Variants in DICER1 observed in about 807,000 individuals in gnomAD.
DICER1 encodes the protein dicer 1, ribonuclease III, also known as endoribonuclease Dicer.
Under a neutral mutation model 194.1 loss-of-function variants are expected in DICER1, and 43 were observed. The ratio of observed to expected loss-of-function variants is 0.22; its 90% confidence interval spans 0.17 to 0.29. The LOEUF (loss-of-function observed/expected upper bound fraction) is 0.29, where lower values mean the gene tolerates loss of function less well. Ranked by LOEUF, DICER1 falls within the 10% of genes least tolerant of loss-of-function variation. The probability of loss-of-function intolerance (pLI) is 1.00; values close to 1 mark genes in which losing one functional copy is unlikely to be tolerated. For missense variants in DICER1, 1,608 were observed against 2,317.0 expected, an observed-to-expected ratio of 0.69 and a Z score of 6.28; for synonymous variants, 832 against 820.5, an observed-to-expected ratio of 1.01 and a Z score of -0.24.
chr14:95,109,407 C>T (rs1409228237), intron 14 of DICER1, among the ~76,000 whole-genome samples: 1 of 152,134 alleles, frequency 6.6e-6, no homozygotes, highest in Admixed American at 6.6e-5. Flanking sequence ...CTATGCTTTT[C>T]TTTTTTTGTA....
At chr14:95,117,870 A>AAAGGACCAAG in intron 8 of DICER1, 116 bp from the exon 9 acceptor site, 1 of 950,694 alleles carries the variant, frequency 1.1e-6, no homozygotes, top group Non-Finnish European at 1.6e-6. Context: ...TACCTAACAA[A>AAAGGACCAAG]ACGGTCTTGG....
At chr14:95,138,994 T>TAAA (rs67050539) in intron 1 of DICER1, among the ~76,000 whole-genome samples, 5 of 135,956 alleles carry the variant, frequency 3.7e-5, no homozygotes, top group Non-Finnish European at 4.8e-5. Flanking sequence ...AATAAAAAAA[T>TAAA]AAAAAAAAAA....
chr14:95,133,023 T>G (rs1894087307), intron 2 of DICER1, among the ~76,000 whole-genome samples: 1 of 152,168 alleles, frequency 6.6e-6, no homozygotes, highest in Non-Finnish European at 1.5e-5. Flanking sequence ...CAAACTAATC[T>G]AGGTTCCTAC....
chr14:95,090,913 C>T, intron 26 of DICER1, 121 bp downstream of exon 26: 1 of 1,064,704 alleles, frequency 9.4e-7, no homozygotes, highest in Non-Finnish European at 1.4e-6. Context: ...AAACAGAAAT[C>T]TGACAACAGC....
At chr14:95,118,001 C>G (rs575326987) in intron 8 of DICER1, among the ~76,000 whole-genome samples, 21 of 152,218 alleles carry the variant, frequency 1.4e-4, no homozygotes, top group African/African-American at 5.1e-4. Flanking sequence ...GAAATGGTCA[C>G]GTTACCTCCA....
chr14:95,117,959 G>A lies in DICER1; in HGVS notation c.1377-205C>T, dbSNP rs577527470. On this transcript the variant is annotated intron_variant, in intron 8 of 26. Transcript: ENST00000343455. ...GATCTGTGGACCAAGTACTTATAAC[G>A]CCAAATACAAGATTGGTTTGTACTG... is the stretch of plus-strand genomic sequence containing the variant. Among the ~76,000 whole-genome samples the A allele has an allele frequency of 4.6e-5, 7 of 152,072 alleles. No individual in the cohort carries two copies. The highest frequency in any genetic ancestry group is 1.9e-4 in the East Asian group (1 of 5,174).
chr14:95,152,521 C>G (rs1237991441), intron 1 of DICER1, among the ~76,000 whole-genome samples: 2 of 152,150 alleles, frequency 1.3e-5, no homozygotes, highest in Admixed American at 6.5e-5. Context: ...CCTTACTATT[C>G]CATAAACCTT....
In DICER1 at chr14:95,096,109, C is replaced by T. The variant is rs1254200271; in HGVS notation, c.4811G>A (p.Cys1604Tyr). 1.2e-6 allele frequency: 2 copies of T among 1,614,214 alleles called. No homozygotes were observed. Among genetic ancestry groups the T allele is most frequent in the Non-Finnish European group, 1.7e-6 (2 of 1,180,028 alleles). ...IKRTDREKAL[C>Y]PTRENFNSQQ... ...GCTGTTGAAATTCTCCCGAGTAGGG[C>T]ACAGGGCCTTTTCCCGATCAGTCCT... Residue 1604 changes from cysteine to tyrosine, a missense_variant, in exon 23 of 27, where the codon TGC (cysteine) becomes TAC (tyrosine). Transcript: ENST00000343455.
chr14:95,103,256 G>T (rs531426984), intron 21 of DICER1, 90 bp downstream of exon 21: 4 of 1,370,578 alleles, frequency 2.9e-6, no homozygotes. Flanking sequence ...AGCATGATAC[G>T]TTCTCATCCT....
Position 95,124,814 on chromosome 14 carries a change from G to C in DICER1, c.904-146C>G, listed in dbSNP as rs1893268604. On this transcript the variant is annotated intron_variant, in intron 7 of 26. Coordinates refer to ENST00000343455, the MANE Select transcript of DICER1 (RefSeq NM_177438.3). This position sits in a 1 kb window ranked among gnomAD's most constrained non-coding sequence, Gnocchi z 4.5. ...GGTTAAGTCCCTGAAGGTGGGGGGA[G>C]AGGCCATTAGCCTTTTCAAGCTCAT... is the stretch of plus-strand genomic sequence containing the variant. 2 of 675,586 alleles carry C rather than the reference G, an allele frequency of 3.0e-6. No individual in the cohort carries two copies. The highest frequency in any genetic ancestry group is 2.7e-5 in the Admixed American group (1 of 37,730). The allele number at this position is 675,586 out of a possible 1,614,324, so 41.8% of individuals were successfully genotyped here. A position where few individuals can be genotyped will look rare whatever the true frequency, so the allele number is the denominator to read the frequency against.
intron 22 of DICER1, among the ~76,000 whole-genome samples, chr14:95,099,527 G>T (rs1378300077): frequency 6.6e-6 from 1 of 151,872 alleles, no homozygotes; most frequent in Non-Finnish European, 1.5e-5. Context: ...ATACTCTTAT[G>T]CCTTTGGAAA....
intron 1 of DICER1, among the ~76,000 whole-genome samples, chr14:95,142,361 T>G (rs1330484198): frequency 6.6e-6 from 1 of 152,162 alleles, no homozygotes; most frequent in African/African-American, 2.4e-5. Context: ...TTTCTAAGGC[T>G]ACCTCAGACT....
chr14:95,126,629 T>C lies in DICER1; in HGVS notation c.854A>G (p.Asn285Ser), dbSNP rs748847398. 1.9e-6 allele frequency: 3 copies of C among 1,563,240 alleles called. No homozygotes were observed. The highest frequency in any genetic ancestry group is 2.6e-6 in the Non-Finnish European group (3 of 1,133,866). Residue 285 changes from asparagine (N) to serine (S), a missense_variant, in exon 7 of 27, where the codon AAT becomes AGT. By Grantham distance (46) the Asn-to-Ser change is conservative. Around this residue, in one of 10 missense-constraint regions of DICER1, gnomAD observed 657 missense variants for 910.1 expected, o/e 0.72. Transcript: ENST00000343455. ...EEALNFINDC[N>S]ISVHSKERDS... ...TCTTTCTTTTGAATGTACAGATATA[T>C]TACAATCATTGATAAAATTAAGTGC...
rs919012849 is a variant in DICER1 at position 95,086,609 on chromosome 14, G to A, written c.*3889C>T. On this transcript the variant is annotated 3_prime_UTR_variant, in exon 27 of 27. Transcript: ENST00000343455. ...CAAATAAAAATGGACTAGAAAAAAA[G>A]AAGTAATGATTAAAATATATTTACA... 4 of 233,144 alleles carry A rather than the reference G, an allele frequency of 1.7e-5. No individual in the cohort carries two copies. Among genetic ancestry groups the A allele is most frequent in the African/African-American group, 8.8e-5 (4 of 45,314 alleles). 14.4% of individuals were successfully genotyped at this position (233,144 alleles called of 1,614,324 possible). A position where few individuals can be genotyped will look rare whatever the true frequency, so the allele number is the denominator to read the frequency against.
chr14:95,095,647 C>T (rs1288969048), intron 23 of DICER1, 178 bp downstream of exon 23: 18 of 732,160 alleles, frequency 2.5e-5, no homozygotes, highest in Non-Finnish European at 3.3e-5. Context: ...TAAAGCAATA[C>T]GTGCTCCCCA....
chr14:95,129,317 T>G, intron 6 of DICER1, 155 bp downstream of exon 6: 1 of 661,012 alleles, frequency 1.5e-6, no homozygotes, highest in Non-Finnish European at 2.6e-6. Context: ...TCACAGGTAA[T>G]GGTACTTATA....
chr14:95,124,604 C>A lies in DICER1; in HGVS notation c.968G>T (p.Gly323Val), dbSNP rs906299601. 4 of 1,613,772 alleles carry A rather than the reference C, an allele frequency of 2.5e-6. No individual in the cohort carries two copies. Among genetic ancestry groups the A allele is most frequent in the African/African-American group, 1.3e-5 (1 of 75,038 alleles). ...LGPWCADKVA[G>V]MMVRELQKYI... ...TTTCTGTAGTTCTCTTACCATCATT[C>A]CAGCTACTTTATCTGCACACCAGGG... Residue 323 changes from glycine to valine, a missense_variant, in exon 8 of 27, where the codon GGA becomes GTA. This residue lies in a region of DICER1 where 657 missense variants were observed against 910.1 expected (regional missense o/e 0.72). Transcript: ENST00000343455. The surrounding 1 kb of genome is among the most constrained non-coding windows in gnomAD (Gnocchi z 4.5).
chr14:95,155,502 A>C (rs1895791322), intron 1 of DICER1, among the ~76,000 whole-genome samples: 1 of 152,220 alleles, frequency 6.6e-6, no homozygotes, highest in African/African-American at 2.4e-5. Context: ...ATCAAAAGAC[A>C]ATGTCTTCTA....
At chr14:95,123,480 T>C (rs1472890662) in intron 8 of DICER1, among the ~76,000 whole-genome samples, 1 of 152,228 alleles carries the variant, frequency 6.6e-6, no homozygotes, top group Non-Finnish European at 1.5e-5. Flanking sequence ...TGGAGTGCAG[T>C]GGTGCCATCT....
Sources: allele counts gnomAD v4.1 joint callset (sites outside exome capture counted in the v4.1 genomes callset), GRCh38; gene constraint gnomAD v4.1.1; regional missense constraint gnomAD v4.1.1; non-coding constraint Gnocchi (gnomAD v3.1); transcripts MANE v1.5; gene names NCBI Gene and HGNC (gene_info 2026-07-23, HGNC 2026-07-21).